CDK6: variants seen among roughly 807,000 people sequenced by gnomAD.
The protein encoded by CDK6 is cyclin dependent kinase 6.
CDK6 carries 6 observed loss-of-function variants against 37.1 expected under a neutral mutation model. The observed-to-expected ratio is 0.16, with a 90% CI of 0.09 to 0.32. The LOEUF is 0.32. CDK6 is among the 10% of genes least tolerant of loss of function. The pLI is 1.00. For missense variants in CDK6, 224 were observed against 418.9 expected (o/e 0.53, Z 4.06); for synonymous variants, 160 against 161.3 (o/e 0.99, Z 0.06).
At chr7:92,697,769 T>C (rs1405506836) in intron 4 of CDK6, among the ~76,000 whole-genome samples, 1 of 152,232 alleles carries the variant, frequency 6.6e-6, no homozygotes. Context: ...TTTCATCGTA[T>C]TACTGAATTA....
In CDK6 at chr7:92,611,105, AC is replaced by A; in HGVS notation, c.*4034del. On this transcript the variant is annotated 3_prime_UTR_variant, in exon 8 of 8. Transcript: ENST00000424848. ...CCTTCAAAATATATATAGCTTTGAA[AC>A]TACCCTTTAAATACCTTCATTTTCT... 1 of 227,156 alleles carries A rather than the reference AC, an allele frequency of 4.4e-6. No homozygotes were observed. Among genetic ancestry groups the A allele is most frequent in the Non-Finnish European group, 8.7e-6 (1 of 114,316 alleles). 14.1% of individuals were successfully genotyped at this position (227,156 alleles called of 1,614,324 possible).
At chr7:92,749,655 A>G (rs1277534965) in intron 3 of CDK6, among the ~76,000 whole-genome samples, 2 of 152,186 alleles carry the variant, frequency 1.3e-5, no homozygotes, top group African/African-American at 2.4e-5. Context: ...GGAACTTCTG[A>G]CTGCTCTGCA....
intron 5 of CDK6, among the ~76,000 whole-genome samples, chr7:92,627,032 T>C (rs1404437893): frequency 6.6e-6 from 1 of 152,046 alleles, no homozygotes; most frequent in African/African-American, 2.4e-5. Flanking sequence ...AGCAGCATTA[T>C]TCATAATAGC....
At chr7:92,680,081 AT>A (rs1011858284) in intron 4 of CDK6, among the ~76,000 whole-genome samples, 79 of 152,106 alleles carry the variant, frequency 5.2e-4, no homozygotes, top group African/African-American at 1.7e-3. Context: ...TGGAATTCTA[AT>A]TCTGCCAAGC....
At chr7:92,627,107 C>T (rs1200748913) in intron 5 of CDK6, among the ~76,000 whole-genome samples, 2 of 152,014 alleles carry the variant, frequency 1.3e-5, no homozygotes, top group Admixed American at 6.6e-5. Context: ...GTGGTATGGA[C>T]TTACAATGGA....
chr7:92,757,873 T>C (rs986510887), intron 3 of CDK6, among the ~76,000 whole-genome samples: 1 of 152,256 alleles, frequency 6.6e-6, no homozygotes, highest in African/African-American at 2.4e-5. Flanking sequence ...GGTAACTCAT[T>C]GTGGGTTTGG....
chr7:92,776,808 A>G (rs1584078142), intron 2 of CDK6, among the ~76,000 whole-genome samples: 1 of 152,242 alleles, frequency 6.6e-6, no homozygotes, highest in East Asian at 1.9e-4. Flanking sequence ...TCTGGATATT[A>G]GCCCTTTGTC....
intron 2 of CDK6, among the ~76,000 whole-genome samples, chr7:92,785,149 A>T (rs1800093262): frequency 6.6e-6 from 1 of 152,206 alleles, no homozygotes; most frequent in Non-Finnish European, 1.5e-5. Context: ...CCATCAACTG[A>T]TGAATGCATA....
intron 5 of CDK6, among the ~76,000 whole-genome samples, chr7:92,662,532 T>A (rs1349078938): frequency 1.3e-5 from 2 of 152,116 alleles, no homozygotes; most frequent in Non-Finnish European, 2.9e-5. Flanking sequence ...AACATTTGGA[T>A]GATGAAGTCC....
intron 5 of CDK6, among the ~76,000 whole-genome samples, chr7:92,641,181 G>A (rs1030999121): frequency 6.6e-6 from 1 of 151,988 alleles, no homozygotes; most frequent in South Asian, 2.1e-4. Flanking sequence ...TTTAAAGTAA[G>A]TATCTTGTAA....
intron 4 of CDK6, among the ~76,000 whole-genome samples, chr7:92,712,287 G>A (rs1369994786): frequency 6.6e-6 from 1 of 152,122 alleles, no homozygotes; most frequent in Non-Finnish European, 1.5e-5. Context: ...TATAAATGGG[G>A]CTATTTCTCT....
intron 2 of CDK6, among the ~76,000 whole-genome samples, chr7:92,794,041 T>C (rs543712134): frequency 1.3e-5 from 2 of 152,106 alleles, no homozygotes; most frequent in Admixed American, 6.6e-5. Flanking sequence ...TCAATAGAGC[T>C]GTTTAAAAAA....
chr7:92,785,317 G>A (rs775938291), intron 2 of CDK6, among the ~76,000 whole-genome samples: 4 of 152,200 alleles, frequency 2.6e-5, no homozygotes, highest in Admixed American at 1.3e-4. Context: ...TCATTTATAT[G>A]AAATATTCAG....
intron 5 of CDK6, among the ~76,000 whole-genome samples, chr7:92,667,845 C>T (rs968442867): frequency 2.0e-5 from 3 of 152,154 alleles, no homozygotes; most frequent in Non-Finnish European, 4.4e-5. Context: ...AGCCACTGCA[C>T]CCGGCCAAAA....
At position 92,606,388 on chromosome 7, in the gene CDK6, C is replaced by T. The variant is rs2116458562; in HGVS notation, c.*8752G>A. ...GTTGGGAGTGGTGGCCAGGCCTAGA[C>T]AGGCACACCTGTGGTCCATGATGTG... On this transcript the variant is annotated 3_prime_UTR_variant, in exon 8 of 8. Transcript: ENST00000424848. 4.3e-6 allele frequency: 1 copy of T among 233,372 alleles called. No individual in the cohort carries two copies. Among genetic ancestry groups the T allele is most frequent in the South Asian group, 1.8e-4 (1 of 5,530 alleles). 14.5% of individuals were successfully genotyped at this position (233,372 alleles called of 1,614,324 possible).
intron 2 of CDK6, among the ~76,000 whole-genome samples, chr7:92,827,383 T>G (rs898022065): frequency 2.0e-5 from 3 of 152,200 alleles, no homozygotes; most frequent in African/African-American, 7.2e-5. Context: ...CAAAAATGTT[T>G]AATAATAATC....
Position 92,834,620 on chromosome 7 carries a change from C to T in CDK6, c.-367-930G>A, listed in dbSNP as rs781776979. Among the ~76,000 whole-genome samples, 10 of 147,120 alleles carry T rather than the reference C, an allele frequency of 6.8e-5. No homozygotes were observed. The highest frequency in any genetic ancestry group is 1.3e-4 in the Non-Finnish European group (9 of 67,456). On this transcript the variant is annotated intron_variant, in intron 1 of 7. Coordinates refer to ENST00000424848, the MANE Select transcript of CDK6 (RefSeq NM_001145306.2). The surrounding 1 kb of genome is among the most constrained non-coding windows in gnomAD (Gnocchi z 4.6). ...GGAAGGGGATAGCATAATCGCGCCT[C>T]GTCCTTAAGTTTTAAACTGATTTCG...
At chr7:92,677,579 A>G (rs561275772) in intron 4 of CDK6, among the ~76,000 whole-genome samples, 2 of 152,210 alleles carry the variant, frequency 1.3e-5, no homozygotes, top group Non-Finnish European at 2.9e-5. Flanking sequence ...GTATCCCTTT[A>G]GTCTGGGTGA....
intron 4 of CDK6, among the ~76,000 whole-genome samples, chr7:92,691,551 G>T (rs1422015572): frequency 6.6e-6 from 1 of 151,924 alleles, no homozygotes; most frequent in Non-Finnish European, 1.5e-5. Flanking sequence ...TTAGATTTTT[G>T]GGCAATTTTA....
Sources: gnomAD v4.1 joint callset for allele counts (sites outside exome capture counted in the v4.1 genomes callset) on GRCh38, gnomAD v4.1.1 for gene constraint, Gnocchi (gnomAD v3.1) non-coding constraint, MANE v1.5 for transcripts, NCBI Gene and HGNC (gene_info 2026-07-23, HGNC 2026-07-21) for gene names.